The following GALNTL6 variants were observed in gnomAD, a reference collection of about 807,000 sequenced individuals.
The protein encoded by GALNTL6 is polypeptide N-acetylgalactosaminyltransferase-like 6.
A neutral mutation model predicts 73.7 loss-of-function variants in GALNTL6; 46 were observed. The ratio of observed to expected loss-of-function variants is 0.62; its 90% confidence interval spans 0.49 to 0.80. GALNTL6 has a LOEUF of 0.80. GALNTL6 is among the 30% of genes least tolerant of loss of function. GALNTL6 has a pLI of 0.00. For missense variants in GALNTL6, 604 were observed against 755.0 expected, an observed-to-expected ratio of 0.80 and a Z score of 2.34; for synonymous variants, 259 against 263.7, an observed-to-expected ratio of 0.98 and a Z score of 0.17.
At chr4:172,282,456 A>G (rs971878640) in intron 3 of GALNTL6, among the ~76,000 whole-genome samples, 1 of 152,180 alleles carries the variant, frequency 6.6e-6, no homozygotes, top group Non-Finnish European at 1.5e-5. Flanking sequence ...ATATGTTATA[A>G]ATTGGGGGAA....
At chr4:172,713,425 T>C (rs774011087) in intron 5 of GALNTL6, among the ~76,000 whole-genome samples, 19 of 151,970 alleles carry the variant, frequency 1.3e-4, no homozygotes, top group Non-Finnish European at 1.0e-4. Context: ...CAGCATTCCC[T>C]CTTGCTGCAG....
intron 7 of GALNTL6, among the ~76,000 whole-genome samples, chr4:172,873,808 T>G (rs1306702241): frequency 1.3e-5 from 2 of 152,204 alleles, no homozygotes; most frequent in Non-Finnish European, 2.9e-5. Context: ...GGTGTAAACG[T>G]ACAGTATAAA....
At chr4:171,814,829 A>G in intron 2 of GALNTL6, 111 bp downstream of exon 2, 2 of 1,066,982 alleles carry the variant, frequency 1.9e-6, no homozygotes, top group African/African-American at 1.6e-5. Context: ...CCAAGTCTTG[A>G]CAGAGCTGAT....
At chr4:172,054,920 T>G (rs1730979569) in intron 2 of GALNTL6, among the ~76,000 whole-genome samples, 1 of 152,156 alleles carries the variant, frequency 6.6e-6, no homozygotes, top group Non-Finnish European at 1.5e-5. Flanking sequence ...TTATTACAAC[T>G]TAAAGTTGAA....
intron 6 of GALNTL6, among the ~76,000 whole-genome samples, chr4:172,812,362 A>G (rs1018551817): frequency 1.3e-5 from 2 of 152,244 alleles, no homozygotes; most frequent in African/African-American, 4.8e-5. Flanking sequence ...ACTGTGCTAA[A>G]TGATATCTGT....
intron 5 of GALNTL6, among the ~76,000 whole-genome samples, chr4:172,735,085 C>T (rs1246158210): frequency 6.6e-6 from 1 of 152,186 alleles, no homozygotes; most frequent in Non-Finnish European, 1.5e-5. Flanking sequence ...GTGGCACTGC[C>T]TAGCGGAGCT....
At chr4:172,610,399 C>G (rs1579240497) in intron 5 of GALNTL6, among the ~76,000 whole-genome samples, 2 of 152,012 alleles carry the variant, frequency 1.3e-5, no homozygotes, top group East Asian at 3.8e-4. Context: ...TATGTTGTAT[C>G]TTAGTTTTAA....
intron 2 of GALNTL6, among the ~76,000 whole-genome samples, chr4:172,091,141 G>T (rs1732193020): frequency 6.6e-6 from 1 of 151,662 alleles, no homozygotes; most frequent in South Asian, 2.1e-4. Context: ...TCTCTCTCTG[G>T]TTTCCCCATT....
intron 2 of GALNTL6, among the ~76,000 whole-genome samples, chr4:172,223,849 A>C (rs767610210): frequency 6.6e-6 from 1 of 152,108 alleles, no homozygotes; most frequent in Non-Finnish European, 1.5e-5. Flanking sequence ...AATACAAGTA[A>C]GTTTTCTCCT....
intron 12 of GALNTL6, among the ~76,000 whole-genome samples, chr4:173,032,560 C>G (rs968923036): frequency 2.6e-5 from 4 of 151,920 alleles, no homozygotes; most frequent in Non-Finnish European, 5.9e-5. Flanking sequence ...GGTGGCAGCA[C>G]GCATGTGGTC....
intron 10 of GALNTL6, among the ~76,000 whole-genome samples, chr4:172,985,459 C>T (rs531574712): frequency 1.3e-5 from 2 of 151,866 alleles, no homozygotes; most frequent in Admixed American, 6.6e-5. Flanking sequence ...TCTTGGTAAC[C>T]ACCTGACAGG....
At position 172,550,861 on chromosome 4, in the gene GALNTL6, A is replaced by G. The variant is rs192903114; in HGVS notation, c.553+202172A>G. ...TTTTTTCAAGAATAGTGGTTCCCAA[A>G]TCATCTACAGATTAGGTTTACCAAG... On this transcript the variant is annotated intron_variant, in intron 5 of 12. Transcript: ENST00000506823. Among the ~76,000 whole-genome samples, 248 of 152,356 alleles carry G rather than the reference A, an allele frequency of 1.6e-3. 1 individual carries two copies. The highest frequency in any genetic ancestry group is 5.6e-3 in the African/African-American group (234 of 41,584).
intron 5 of GALNTL6, among the ~76,000 whole-genome samples, chr4:172,778,571 G>T (rs577021850): frequency 6.6e-6 from 1 of 152,312 alleles, no homozygotes; most frequent in East Asian, 1.9e-4. Context: ...ACTGTGTTTT[G>T]TAGGCAGAAT....
intron 9 of GALNTL6, among the ~76,000 whole-genome samples, chr4:172,947,932 C>G (rs1385441320): frequency 6.6e-6 from 1 of 152,152 alleles, no homozygotes; most frequent in Non-Finnish European, 1.5e-5. Flanking sequence ...CTTTTTGCAA[C>G]TGTTTGCAAT....
intron 2 of GALNTL6, among the ~76,000 whole-genome samples, chr4:172,184,462 A>G (rs1560958992): frequency 6.6e-6 from 1 of 152,198 alleles, no homozygotes; most frequent in Non-Finnish European, 1.5e-5. Context: ...AAATAAATAA[A>G]GAGGCTTTTA....
At chr4:171,965,060 T>C (rs528849559) in intron 2 of GALNTL6, among the ~76,000 whole-genome samples, 1 of 152,340 alleles carries the variant, frequency 6.6e-6, no homozygotes, top group Admixed American at 6.5e-5. Context: ...GCCTACTGCC[T>C]GGGGAGTCCA....
intron 2 of GALNTL6, among the ~76,000 whole-genome samples, chr4:171,892,999 A>C (rs987023823): frequency 2.0e-5 from 3 of 152,208 alleles, no homozygotes; most frequent in African/African-American, 4.8e-5. Flanking sequence ...AAACCCATGC[A>C]GTATCTGACA....
chr4:171,973,094 A>C (rs1350453706), intron 2 of GALNTL6, among the ~76,000 whole-genome samples: 2 of 152,106 alleles, frequency 1.3e-5, no homozygotes, highest in Non-Finnish European at 2.9e-5. Context: ...CAACATACAC[A>C]CACTTCTATG....
At chr4:172,113,894 T>C (rs1579152342) in intron 2 of GALNTL6, among the ~76,000 whole-genome samples, 2 of 152,210 alleles carry the variant, frequency 1.3e-5, no homozygotes, top group East Asian at 3.9e-4. Flanking sequence ...TTTTTATTCG[T>C]TTACTTGTTT....
Sources: allele counts gnomAD v4.1 joint callset (sites outside exome capture counted in the v4.1 genomes callset), GRCh38; gene constraint gnomAD v4.1.1; transcripts MANE v1.5; gene names NCBI Gene and HGNC (gene_info 2026-07-23, HGNC 2026-07-21).